GAB3: variants seen among roughly 807,000 people sequenced by gnomAD.
GAB3 encodes GRB2-associated-binding protein 3.
GAB3 carries 12 observed loss-of-function variants against 40.4 expected under a neutral mutation model. That is an observed-to-expected ratio of 0.30 (90% CI 0.19 to 0.48). The LOEUF is 0.48. Ranked by LOEUF, GAB3 falls within the 20% of genes least tolerant of loss-of-function variation. The probability of loss-of-function intolerance (pLI) is 0.99; values close to 1 mark genes in which losing one functional copy is unlikely to be tolerated. For missense variants in GAB3, 381 were observed against 461.9 expected, an observed-to-expected ratio of 0.82 and a Z score of 1.61; for synonymous variants, 154 against 176.7, an observed-to-expected ratio of 0.87 and a Z score of 1.02.
intron 1 of GAB3, among the ~76,000 whole-genome samples, chrX:154,724,387 A>C (rs868964880): frequency 9.2e-6 from 1 of 109,065 alleles, no homozygotes; most frequent in South Asian, 3.9e-4. Flanking sequence ...AATAAATAAA[A>C]ATAAAATGAC....
chrX:154,742,652 C>T (rs1181552123), intron 1 of GAB3, among the ~76,000 whole-genome samples: 1 of 111,453 alleles, frequency 9.0e-6, no homozygotes, highest in Non-Finnish European at 1.9e-5. Context: ...TCAATGGCCA[C>T]AGCTTCTACT....
chrX:154,741,549 G>A (rs1046218872), intron 1 of GAB3, among the ~76,000 whole-genome samples: 9 of 108,694 alleles, frequency 8.3e-5, no homozygotes, highest in African/African-American at 3.0e-4. Flanking sequence ...AGTGGCAGGC[G>A]CCTGTAATCC....
chrX:154,737,818 C>T (rs1266976635), intron 1 of GAB3, among the ~76,000 whole-genome samples: 1 of 111,009 alleles, frequency 9.0e-6, no homozygotes, highest in African/African-American at 3.3e-5. Context: ...GGTGAAGCCC[C>T]GTCTCTACTA....
At chrX:154,705,579 G>A (rs1382418573) in intron 4 of GAB3, among the ~76,000 whole-genome samples, 1 of 110,928 alleles carries the variant, frequency 9.0e-6, no homozygotes, top group African/African-American at 3.3e-5. Flanking sequence ...AGGCATATAA[G>A]GAACATACCT....
chrX:154,737,737 G>A (rs2071383748), intron 1 of GAB3, among the ~76,000 whole-genome samples: 1 of 112,385 alleles, frequency 8.9e-6, no homozygotes, highest in Admixed American at 9.4e-5. Flanking sequence ...CAGGCGCAGT[G>A]TAATCCCAGC....
chrX:154,751,288 G>T (rs782089338), upstream of GAB3, among the ~76,000 whole-genome samples: 16 of 90,873 alleles, frequency 1.8e-4, no homozygotes, highest in Middle Eastern at 0.017. Context: ...TGTGCCCGGG[G>T]GGGGGGTGTG....
rs1569557328 is a variant in GAB3, at chrX:154,696,095, C to A, written c.1428-76G>T. The A allele has an allele frequency of 5.1e-5, 28 of 548,497 alleles. No homozygotes were observed. The Admixed American group carries it at 7.6e-4, about 15-fold the overall frequency. The allele number at this position is 548,497 out of a possible 1,213,427, so 45.2% of individuals were successfully genotyped here. A position where few individuals can be genotyped will look rare whatever the true frequency, so the allele number is the denominator to read the frequency against. ...GAAAGCTGGCCAGGAACTAACATGG[C>A]CCTCATGGGGTTTCAGCCCTCCTCT... is the stretch of plus-strand genomic sequence containing the variant. On this transcript the variant is annotated intron_variant, in intron 7 of 9. Transcript: ENST00000424127.
intron 1 of GAB3, among the ~76,000 whole-genome samples, chrX:154,733,891 G>A (rs1266562424): frequency 8.9e-6 from 1 of 111,979 alleles, no homozygotes; most frequent in Non-Finnish European, 1.9e-5. Flanking sequence ...ATCTGTCCTG[G>A]AGGTAATTAT....
chrX:154,741,869 T>A (rs782621244), intron 1 of GAB3, among the ~76,000 whole-genome samples: 1 of 110,237 alleles, frequency 9.1e-6, no homozygotes, highest in African/African-American at 3.3e-5. Flanking sequence ...CCATCATATC[T>A]CGTGAGATTC....
chrX:154,707,888 A>T (rs1557254078), intron 4 of GAB3, among the ~76,000 whole-genome samples: 5 of 112,662 alleles, frequency 4.4e-5, no homozygotes, highest in Non-Finnish European at 5.6e-5. Context: ...AGCAAAAAAC[A>T]GTTGACAATA....
rs1335794647 is a variant in GAB3 at position 154,676,628 on chromosome X, C to T, written c.*1550G>A. On this transcript the variant is annotated 3_prime_UTR_variant, in exon 10 of 10. Transcript: ENST00000424127. The stretch of plus-strand genomic sequence containing the variant: ...ACGGCTTCTTTGAAAATCAAAATGA[C>T]TTCTTGTATGGTCTGAAAAAAGAAG... 1 of 112,237 alleles carries T rather than the reference C, an allele frequency of 8.9e-6. No homozygotes were observed. The highest frequency in any genetic ancestry group is 1.9e-5 in the Non-Finnish European group (1 of 53,210). 9.2% of individuals were successfully genotyped at this position (112,237 alleles called of 1,213,427 possible).
At chrX:154,709,935 G>T (rs2070899040) in intron 4 of GAB3, among the ~76,000 whole-genome samples, 1 of 111,707 alleles carries the variant, frequency 9.0e-6, no homozygotes, top group African/African-American at 3.3e-5. Flanking sequence ...TCAGGGACTG[G>T]GGAATGCAGG....
intron 8 of GAB3, among the ~76,000 whole-genome samples, chrX:154,682,200 C>A (rs1481186123): frequency 8.9e-6 from 1 of 111,845 alleles, no homozygotes; most frequent in East Asian, 2.8e-4. Context: ...GATTTTATAT[C>A]CATCAATCTT....
chrX:154,688,051 T>C (rs2070486089), intron 8 of GAB3, among the ~76,000 whole-genome samples: 1 of 112,144 alleles, frequency 8.9e-6, no homozygotes, highest in Non-Finnish European at 1.9e-5. Flanking sequence ...TGTAAAACCA[T>C]AATTCTTTTA....
intron 7 of GAB3, among the ~76,000 whole-genome samples, chrX:154,696,473 C>T (rs921698457): frequency 3.6e-5 from 4 of 111,168 alleles, no homozygotes; most frequent in African/African-American, 1.3e-4. Flanking sequence ...GCTGGAAATA[C>T]AGCTCATTGC....
intron 1 of GAB3, among the ~76,000 whole-genome samples, chrX:154,726,339 T>C (rs2071211855): frequency 9.0e-6 from 1 of 111,406 alleles, no homozygotes; most frequent in Admixed American, 9.5e-5. Context: ...GAAGTGATCA[T>C]CAAACCTGAA....
At chrX:154,729,294 A>G (rs1339849936) in intron 1 of GAB3, among the ~76,000 whole-genome samples, 1 of 112,302 alleles carries the variant, frequency 8.9e-6, no homozygotes, top group Non-Finnish European at 1.9e-5. Context: ...ATTACTTTAA[A>G]TGTAAATGGA....
At chrX:154,746,629 A>G (rs1434365818) in intron 1 of GAB3, among the ~76,000 whole-genome samples, 1 of 112,420 alleles carries the variant, frequency 8.9e-6, no homozygotes, top group Non-Finnish European at 1.9e-5. Context: ...AAAAGGTGAA[A>G]AATGGAATGC....
chrX:154,712,039 T>C (rs1277160300), intron 4 of GAB3, among the ~76,000 whole-genome samples, 190 bp downstream of exon 4: 1 of 112,399 alleles, frequency 8.9e-6, no homozygotes, highest in Non-Finnish European at 1.9e-5. Context: ...CAGGCCAGCC[T>C]GAACAAGGGA....
Sources: allele counts gnomAD v4.1 joint callset (sites outside exome capture counted in the v4.1 genomes callset), GRCh38; gene constraint gnomAD v4.1.1; transcripts MANE v1.5; gene names NCBI Gene and HGNC (gene_info 2026-07-23, HGNC 2026-07-21).